The following DPP8 variants were observed in gnomAD, a reference collection of about 807,000 sequenced individuals.
The protein encoded by DPP8 is dipeptidyl peptidase 8, also known as DPP VIII.
A neutral mutation model predicts 107.5 loss-of-function variants in DPP8; 31 were observed. The observed-to-expected ratio is 0.29, with a 90% confidence interval of 0.22 to 0.39. The LOEUF is 0.39. Among genes scored for constraint, DPP8 ranks in the 10% least tolerant of loss-of-function variants. The probability of loss-of-function intolerance (pLI) is 1.00; values close to 1 mark genes in which losing one functional copy is unlikely to be tolerated. For synonymous variants in DPP8, 381 were observed against 356.6 expected, an observed-to-expected ratio of 1.07 and a Z score of -0.77; for missense variants, 842 against 1,076.1, an observed-to-expected ratio of 0.78 and a Z score of 3.04.
Position 65,467,896 on chromosome 15 carries a change from T to C in DPP8, c.1537-673A>G, listed in dbSNP as rs995397525. Among the ~76,000 whole-genome samples, 5 of 152,234 alleles carry C rather than the reference T, an allele frequency of 3.3e-5. No individual in the cohort carries two copies. The South Asian group carries it at 1.0e-3, about 32-fold the overall frequency. On this transcript the variant is annotated intron_variant, in intron 12 of 19. Transcript: ENST00000300141. ...TACTTGAAAGTCTAATTTTACTATC[T>C]TGTATATTTATTAGTTAGTGTTATA...
Position 65,451,129 on chromosome 15 carries a change from T to C in DPP8, c.2415-19A>G, listed in dbSNP as rs772498659. ...ATTTGGTCTGGAGAAATGGAAATAT[T>C]AGAGGATTAGGCAAAATAGTAGAGT... On this transcript the variant is annotated intron_variant, in intron 18 of 19. Coordinates refer to ENST00000300141, the MANE Select transcript of DPP8 (RefSeq NM_130434.5). 5 of 1,483,770 alleles carry C rather than the reference T, an allele frequency of 3.4e-6. No individual in the cohort carries two copies. The highest frequency in any genetic ancestry group is 3.4e-5 in the Admixed American group (2 of 59,174). The allele number at this position is 1,483,770 out of a possible 1,614,324, so 91.9% of individuals were successfully genotyped here.
At chr15:65,486,109 A>C (rs12101783) in intron 7 of DPP8, among the ~76,000 whole-genome samples, 42 of 144,366 alleles carry the variant, frequency 2.9e-4, no homozygotes, top group African/African-American at 7.7e-4. Flanking sequence ...AAAAAAAACA[A>C]CACAAAAAAA....
intron 1 of DPP8, among the ~76,000 whole-genome samples, chr15:65,514,333 T>C (rs889902988): frequency 2.0e-5 from 3 of 152,152 alleles, no homozygotes; most frequent in East Asian, 3.8e-4. Flanking sequence ...CCAAAACAGC[T>C]TGGCAGGGAA....
At chr15:65,489,405 A>G (rs1164881441) in intron 6 of DPP8, among the ~76,000 whole-genome samples, 1 of 124,068 alleles carries the variant, frequency 8.1e-6, no homozygotes, top group Non-Finnish European at 1.6e-5. Context: ...ATGATGAAAT[A>G]TAATCTACTT....
intron 1 of DPP8, chr15:65,512,873 A>C: frequency 3.3e-6 from 1 of 303,448 alleles, no homozygotes; most frequent in Non-Finnish European, 6.1e-6. Context: ...CCCACACTGG[A>C]AGGAAACAGG....
intron 8 of DPP8, among the ~76,000 whole-genome samples, chr15:65,484,404 T>G (rs955701484): frequency 3.3e-5 from 5 of 151,990 alleles, no homozygotes; most frequent in African/African-American, 1.2e-4. Flanking sequence ...TAGGGTATCT[T>G]TTTGAGGTAA....
chr15:65,493,174 C>T (rs1389649591), intron 5 of DPP8, among the ~76,000 whole-genome samples: 1 of 152,070 alleles, frequency 6.6e-6, no homozygotes, highest in Admixed American at 6.6e-5. Flanking sequence ...ACCTCCACTT[C>T]CTGGGTTCAA....
intron 1 of DPP8, chr15:65,515,926 T>A: frequency 2.0e-6 from 1 of 497,672 alleles, no homozygotes; most frequent in Non-Finnish European, 3.5e-6. Context: ...ATATAATGCC[T>A]ACATTATTTT....
chr15:65,488,967 T>C (rs1361230511), intron 6 of DPP8, among the ~76,000 whole-genome samples: 1 of 152,112 alleles, frequency 6.6e-6, no homozygotes, highest in Admixed American at 6.6e-5. Context: ...TGGTTTTTTG[T>C]TTGTTTGTTT....
intron 1 of DPP8, among the ~76,000 whole-genome samples, chr15:65,515,236 GCTT>G (rs753815033): frequency 6.6e-4 from 100 of 152,196 alleles, no homozygotes; most frequent in Non-Finnish European, 2.5e-4. Flanking sequence ...GCCATGCCCA[GCTT>G]CTTATTATTC....
At chr15:65,456,456 T>C (rs2064430069) in intron 15 of DPP8, 85 bp from the exon 16 acceptor site, 3 of 1,281,342 alleles carry the variant, frequency 2.3e-6, no homozygotes, top group African/African-American at 1.5e-5. Context: ...AATAGAAAGC[T>C]TAATTTCACT....
Position 65,451,170 on chromosome 15 carries a change from T to C in DPP8, c.2415-60A>G, listed in dbSNP as rs1208234104. ...ATAGTAGAGTATTTGGGAAAACCAT[T>C]TCACTTATTTAATCATACTTAACCA... On this transcript the variant is annotated intron_variant, in intron 18 of 19. Transcript: ENST00000300141. 4 of 962,518 alleles carry C rather than the reference T, an allele frequency of 4.2e-6. No homozygotes were observed. The East Asian group carries it at 9.6e-5, about 23-fold the overall frequency. The allele number at this position is 962,518 out of a possible 1,614,324, so 59.6% of individuals were successfully genotyped here. A position where few individuals can be genotyped will look rare whatever the true frequency, so the allele number is the denominator to read the frequency against.
intron 8 of DPP8, among the ~76,000 whole-genome samples, chr15:65,482,033 T>TGTAC (rs2066977879): frequency 6.6e-6 from 1 of 150,958 alleles, no homozygotes; most frequent in Non-Finnish European, 1.5e-5. Context: ...TGTGTGTGTG[T>TGTAC]ATATATATAT....
At chr15:65,504,922 G>A (rs1427158301) in intron 3 of DPP8, among the ~76,000 whole-genome samples, 1 of 152,106 alleles carries the variant, frequency 6.6e-6, no homozygotes, top group African/African-American at 2.4e-5. Flanking sequence ...TAAAGCTGCA[G>A]TGAGCTGTGA....
intron 5 of DPP8, among the ~76,000 whole-genome samples, chr15:65,497,186 C>T (rs1414620660): frequency 2.0e-5 from 3 of 151,636 alleles, no homozygotes; most frequent in Non-Finnish European, 4.4e-5. Flanking sequence ...CCACCACGCC[C>T]GGCCTCAAGT....
At chr15:65,474,127 T>A in intron 12 of DPP8, 82 bp downstream of exon 12, 1 of 1,051,086 alleles carries the variant, frequency 9.5e-7, no homozygotes, top group Non-Finnish European at 1.5e-6. Flanking sequence ...ACCGGGGTCA[T>A]ATTAAATTAC....
rs1245103382 is a variant in DPP8 at position 65,443,948 on chromosome 15, ACT to A, written c.*2934_*2935del. On this transcript the variant is annotated 3_prime_UTR_variant, in exon 20 of 20. Transcript: ENST00000300141. ...TTTATTTATTTTGAGGCAGAATCTC[ACT>A]CTGTCGCCCAGACTGGACTACAGTG... The A allele has an allele frequency of 2.0e-5, 3 of 152,102 alleles. No homozygotes were observed. Among genetic ancestry groups the A allele is most frequent in the African/African-American group, 4.8e-5 (2 of 41,414 alleles). 9.4% of individuals were successfully genotyped at this position (152,102 alleles called of 1,614,324 possible). A position where few individuals can be genotyped will look rare whatever the true frequency, so the allele number is the denominator to read the frequency against.
rs191358536 is a variant in DPP8 at position 65,493,743 on chromosome 15, T to C, written c.716-3444A>G. Reference sequence around the variant, plus strand: ...TAAATGAATAAATAGTATCATCTCATTGTCTCAGTAAGTCATTTGAGAGCA... The same window carrying C: ...TAAATGAATAAATAGTATCATCTCACTGTCTCAGTAAGTCATTTGAGAGCA... On this transcript the variant is annotated intron_variant, in intron 5 of 19. Coordinates refer to ENST00000300141, the MANE Select transcript of DPP8 (RefSeq NM_130434.5). Among the ~76,000 whole-genome samples, 141 of 152,294 alleles carry C rather than the reference T, an allele frequency of 9.3e-4. 3 individuals carry two copies. The highest frequency in any genetic ancestry group is 3.0e-3 in the African/African-American group (126 of 41,572).
At chr15:65,462,337 T>C (rs181594172) in intron 15 of DPP8, among the ~76,000 whole-genome samples, 133 of 152,310 alleles carry the variant, frequency 8.7e-4, no homozygotes, top group African/African-American at 3.0e-3. Context: ...ACACACTTGA[T>C]GGCAAAGTGA....
Sources: allele counts gnomAD v4.1 joint callset (sites outside exome capture counted in the v4.1 genomes callset), GRCh38; gene constraint gnomAD v4.1.1; transcripts MANE v1.5; gene names NCBI Gene and HGNC (gene_info 2026-07-23, HGNC 2026-07-21).